Variants in TIAM1 observed in about 807,000 individuals in gnomAD.
TIAM1 encodes the protein rho guanine nucleotide exchange factor TIAM1.
Under a neutral mutation model 163.5 loss-of-function variants are expected in TIAM1, and 65 were observed. The ratio of observed to expected loss-of-function variants is 0.40; its 90% confidence interval spans 0.33 to 0.49. The LOEUF is 0.49. Among genes scored for constraint, TIAM1 ranks in the 20% least tolerant of loss-of-function variants. TIAM1 has a pLI of 0.77. For synonymous variants in TIAM1, 833 were observed against 810.1 expected (o/e 1.03, Z -0.48); for missense variants, 1,789 against 2,044.7 (o/e 0.87, Z 2.41).
At chr21:31,541,582 G>A (rs917377891) in intron 1 of TIAM1, among the ~76,000 whole-genome samples, 1 of 152,202 alleles carries the variant, frequency 6.6e-6, no homozygotes, top group Non-Finnish European at 1.5e-5. Flanking sequence ...TCACTGAAAT[G>A]TATGACCATT....
rs1171490456 is a variant in TIAM1, at chr21:31,360,301, G to A, written c.-368-20879C>T. On this transcript the variant is annotated intron_variant, in intron 2 of 28. Coordinates refer to the TIAM1 transcript ENST00000286827. ...AATAATAATAATAATTAACAATAATGTCTTAGATGTTTAGAATAGTATGAA... is the reference window on the plus strand; with the variant it reads ...AATAATAATAATAATTAACAATAATATCTTAGATGTTTAGAATAGTATGAA... Among the ~76,000 whole-genome samples, 4 of 151,888 alleles carry A rather than the reference G, an allele frequency of 2.6e-5. No individual in the cohort carries two copies. The East Asian group carries it at 5.8e-4, about 22-fold the overall frequency.
At chr21:31,137,245 C>T (rs2146260288) in intron 22 of TIAM1, among the ~76,000 whole-genome samples, 1 of 152,362 alleles carries the variant, frequency 6.6e-6, no homozygotes, top group African/African-American at 2.4e-5. Context: ...AACAGGCTAC[C>T]GTGCTGAGAT....
chr21:31,210,165 G>A lies in TIAM1; in HGVS notation c.2268C>T (p.Cys756=), dbSNP rs200604037. ...TGAAATACTCGTGGACCCAAATGTCGCAGTCAGGGTTGTGCTGGTGAACGT... is the reference window on the plus strand; with the variant it reads ...TGAAATACTCGTGGACCCAAATGTCACAGTCAGGGTTGTGCTGGTGAACGT... ...LPNVHQHNPD[C]DIWVHEYFTP... The change falls in exon 11 of 28, where the codon TGC becomes TGT. Residue 756 remains cysteine (C), a synonymous_variant. Transcript: ENST00000541036. 185 of 1,614,070 alleles carry A rather than the reference G, an allele frequency of 1.1e-4. No homozygotes were observed. The highest frequency in any genetic ancestry group is 1.4e-4 in the Non-Finnish European group (171 of 1,180,016).
At chr21:31,531,148 A>G (rs538911354) in intron 1 of TIAM1, among the ~76,000 whole-genome samples, 1 of 152,166 alleles carries the variant, frequency 6.6e-6, no homozygotes, top group South Asian at 2.1e-4. Flanking sequence ...ACTGCCACCC[A>G]CAGATTTAAT....
intron 1 of TIAM1, among the ~76,000 whole-genome samples, chr21:31,473,727 C>T (rs17652514): frequency 0.022 from 3,379 of 152,054 alleles, 55 homozygotes; most frequent in African/African-American, 0.032. Flanking sequence ...GCGAGTGAGC[C>T]AGGGATTGAG....
chr21:31,333,936 T>A (rs553995576), intron 2 of TIAM1, among the ~76,000 whole-genome samples: 1 of 152,286 alleles, frequency 6.6e-6, no homozygotes, highest in Non-Finnish European at 1.5e-5. Flanking sequence ...TGAAGCATAG[T>A]AACTAGATGT....
At chr21:31,402,233 A>G (rs1325805291) in intron 2 of TIAM1, among the ~76,000 whole-genome samples, 1 of 151,972 alleles carries the variant, frequency 6.6e-6, no homozygotes, top group African/African-American at 2.4e-5. Flanking sequence ...CAACAACAAA[A>G]AATTGGAATT....
Position 31,528,491 on chromosome 21 carries a change from C to T in TIAM1, c.-422+30436G>A. Among the ~76,000 whole-genome samples the T allele has an allele frequency of 1.3e-5, 2 of 151,524 alleles. 1 individual carries two copies. The highest frequency in any genetic ancestry group is 3.9e-4 in the East Asian group (2 of 5,140). Reference sequence around the variant, plus strand: ...TAGGATCGCGCCTCCATACTCCAGCCTGGGCAACAGAAATAAAAATTAAAA... The same window carrying T: ...TAGGATCGCGCCTCCATACTCCAGCTTGGGCAACAGAAATAAAAATTAAAA... On this transcript the variant is annotated intron_variant, in intron 1 of 28. Coordinates refer to the TIAM1 transcript ENST00000286827.
intron 2 of TIAM1, among the ~76,000 whole-genome samples, chr21:31,368,445 T>TA (rs1480345361): frequency 6.6e-6 from 1 of 152,216 alleles, no homozygotes; most frequent in Non-Finnish European, 1.5e-5. Context: ...CATTTTTAAT[T>TA]AGAGTGCCAC....
chr21:31,171,062 A>AAAAAAAAAAC (rs1555879081), intron 15 of TIAM1, among the ~76,000 whole-genome samples: 1 of 119,242 alleles, frequency 8.4e-6, no homozygotes, highest in Non-Finnish European at 1.8e-5. Flanking sequence ...AAAAAAAAAA[A>AAAAAAAAAAC]TTGGGGGCCA....
chr21:31,414,146 C>T (rs942967754), intron 2 of TIAM1, among the ~76,000 whole-genome samples: 5 of 152,130 alleles, frequency 3.3e-5, no homozygotes, highest in Non-Finnish European at 5.9e-5. Flanking sequence ...TCCAGAGTTG[C>T]GGAGAAAAAT....
intron 12 of TIAM1, among the ~76,000 whole-genome samples, chr21:31,197,744 C>T (rs1425706161): frequency 6.6e-6 from 1 of 152,192 alleles, no homozygotes; most frequent in Non-Finnish European, 1.5e-5. Flanking sequence ...TGTCACGCCT[C>T]TCACGCTAAC....
intron 1 of TIAM1, among the ~76,000 whole-genome samples, chr21:31,488,385 T>C (rs563457647): frequency 3.4e-4 from 52 of 152,130 alleles, no homozygotes; most frequent in African/African-American, 9.9e-4. Flanking sequence ...GGGAGGGAGA[T>C]ACAAAATTAT....
At chr21:31,145,689 A>G (rs2083075270) in intron 20 of TIAM1, among the ~76,000 whole-genome samples, 1 of 152,238 alleles carries the variant, frequency 6.6e-6, no homozygotes, top group Non-Finnish European at 1.5e-5. Context: ...TTCAAGGATA[A>G]CTGAGACAAC....
chr21:31,529,128 C>T (rs1217833595), intron 1 of TIAM1, among the ~76,000 whole-genome samples: 1 of 151,672 alleles, frequency 6.6e-6, no homozygotes, highest in Non-Finnish European at 1.5e-5. Flanking sequence ...ACCGTGTTAG[C>T]CAGGATGGTC....
chr21:31,320,766 G>A (rs895451321), intron 2 of TIAM1, among the ~76,000 whole-genome samples: 7 of 152,226 alleles, frequency 4.6e-5, no homozygotes, highest in African/African-American at 1.7e-4. Flanking sequence ...GGCCGAAGCA[G>A]GCGGATCACT....
At chr21:31,366,034 C>A (rs929633363) in intron 2 of TIAM1, among the ~76,000 whole-genome samples, 1 of 143,692 alleles carries the variant, frequency 7.0e-6, no homozygotes, top group Admixed American at 7.3e-5. Flanking sequence ...TTGCAGTGAG[C>A]CGAGGTAGCT....
intron 3 of TIAM1, among the ~76,000 whole-genome samples, chr21:31,267,760 G>A (rs762795581): frequency 3.3e-5 from 5 of 152,200 alleles, no homozygotes; most frequent in Non-Finnish European, 5.9e-5. Context: ...TAGAAACTCC[G>A]CTCTCTGCTT....
intron 2 of TIAM1, among the ~76,000 whole-genome samples, chr21:31,303,649 A>T (rs1178744023): frequency 6.6e-6 from 1 of 152,074 alleles, no homozygotes; most frequent in East Asian, 1.9e-4. Flanking sequence ...CTAGACCTTT[A>T]AAAAAACACC....
Sources: allele counts gnomAD v4.1 joint callset (sites outside exome capture counted in the v4.1 genomes callset), GRCh38; gene constraint gnomAD v4.1.1; transcripts MANE v1.5; gene names NCBI Gene and HGNC (gene_info 2026-07-23, HGNC 2026-07-21).